The following FRMPD1 variants were observed in gnomAD, a reference collection of about 807,000 sequenced individuals.
FRMPD1 encodes FERM and PDZ domain containing 1.
FRMPD1 carries 76 observed loss-of-function variants against 117.8 expected under a neutral mutation model. That is an observed-to-expected ratio of 0.65 (90% CI 0.54 to 0.78). FRMPD1 has a LOEUF of 0.78. FRMPD1 is among the 30% of genes least tolerant of loss of function. The pLI is 0.00. For synonymous variants in FRMPD1, 783 were observed against 770.4 expected (o/e 1.02, Z -0.27); for missense variants, 1,786 against 1,964.5 (o/e 0.91, Z 1.72).
intron 15 of FRMPD1, among the ~76,000 whole-genome samples, chr9:37,741,181 T>C (rs1824395928): frequency 6.6e-6 from 1 of 151,536 alleles, no homozygotes; most frequent in African/African-American, 2.4e-5. Context: ...AGGGACAGAA[T>C]TTACAAAAAA....
chr9:37,608,026 C>T, the FRMPD1 span, among the ~76,000 whole-genome samples: 1 of 152,184 alleles, frequency 6.6e-6, no homozygotes, highest in Non-Finnish European at 1.5e-5. Context: ...AAACTTGTGG[C>T]CAGCGATAAC....
chr9:37,692,766 T>A (rs758537576), intron 2 of FRMPD1, 24 bp downstream of exon 2: 1 of 1,551,780 alleles, frequency 6.4e-7, no homozygotes, highest in Non-Finnish European at 8.9e-7. Context: ...GTTTGCAGAT[T>A]TCTGTCTATA....
the FRMPD1 span, among the ~76,000 whole-genome samples, chr9:37,626,545 G>T: frequency 6.9e-6 from 1 of 145,720 alleles, no homozygotes; most frequent in Admixed American, 6.9e-5. Context: ...TGGGCACTTT[G>T]GGAGGCCAAG....
Position 37,744,822 on chromosome 9 carries a change from C to A in FRMPD1, c.2790C>A (p.Thr930=), listed in dbSNP as rs1563965851. 1 of 1,614,106 alleles carries A rather than the reference C, an allele frequency of 6.2e-7. No individual in the cohort carries two copies. Among genetic ancestry groups the A allele is most frequent in the Non-Finnish European group, 8.5e-7 (1 of 1,179,964 alleles). ...AGATGGAGCCCGAGACCATGGAAAC[C>A]AAATCAGTCATCGACTCTCGAGTGT... The part of the protein sequence containing the change: ...VMEMEPETME[T]KSVIDSRVSS... Residue 930 remains threonine (T), a synonymous_variant, in exon 16 of 16, where the codon ACC becomes ACA. Transcript: ENST00000377765.
At chr9:37,637,314 C>G in the FRMPD1 span, 1 of 1,125,580 alleles carries the variant, frequency 8.9e-7, no homozygotes, top group Non-Finnish European at 1.4e-6. Context: ...GAAGCCCGCT[C>G]AGTCGCTCCC....
Position 37,746,107 on chromosome 9 carries a change from G to C in FRMPD1, c.4075G>C (p.Glu1359Gln). 6.2e-7 allele frequency: 1 copy of C among 1,614,192 alleles called. No homozygotes were observed. The highest frequency in any genetic ancestry group is 8.5e-7 in the Non-Finnish European group (1 of 1,180,024). Reference sequence around the variant, plus strand: ...GACAGAGGAAGAAGACAGGGACTTGGAAGCACACCCCATGGCCCCCCTCAC... The same window carrying C: ...GACAGAGGAAGAAGACAGGGACTTGCAAGCACACCCCATGGCCCCCCTCAC... Reference protein sequence around the residue: ...PETEEEDRDLEAHPMAPLTSP... With the variant: ...PETEEEDRDLQAHPMAPLTSP... Residue 1359 changes from glutamate to glutamine, a missense_variant, in exon 16 of 16, where the codon GAA becomes CAA. Coordinates refer to ENST00000377765, the MANE Select transcript of FRMPD1 (RefSeq NM_014907.3).
At chr9:37,732,131 A>G (rs1823910747) in intron 9 of FRMPD1, among the ~76,000 whole-genome samples, 173 bp from the exon 10 acceptor site, 1 of 152,228 alleles carries the variant, frequency 6.6e-6, no homozygotes, top group South Asian at 2.1e-4. Context: ...CTCATTTACC[A>G]GACACCAAAT....
chr9:37,679,082 T>G (rs950811915), intron 1 of FRMPD1, among the ~76,000 whole-genome samples: 11 of 152,268 alleles, frequency 7.2e-5, no homozygotes, highest in Non-Finnish European at 1.6e-4. Context: ...TCTTGCCATC[T>G]ACTGTGTGTT....
At position 37,711,376 on chromosome 9, in the gene FRMPD1, C is replaced by T; in HGVS notation, c.389C>T (p.Thr130Ile). The T allele has an allele frequency of 1.9e-6, 3 of 1,610,110 alleles. No individual in the cohort carries two copies. The highest frequency in any genetic ancestry group is 2.6e-6 in the Non-Finnish European group (3 of 1,176,334). The change falls in exon 5 of 16, where the codon ACA becomes ATA. Residue 130 changes from threonine (T) to isoleucine (I), a missense_variant. Physicochemically the swap from Thr to Ile is moderately conservative, Grantham distance 89 (BLOSUM62 -1). Transcript: ENST00000377765. ...LREAEDSLSI[T>I]VVRCTSGVPK... ...GAAGCAGAAGATTCTCTTTCAATCA[C>T]AGTTGTTCGCTGCACGTCGGTAAAT...
At chr9:37,641,208 T>C in the FRMPD1 span, among the ~76,000 whole-genome samples, 1 of 152,184 alleles carries the variant, frequency 6.6e-6, no homozygotes, top group Admixed American at 6.5e-5. Flanking sequence ...AGAAGTATCA[T>C]CTTTCTTAAT....
At chr9:37,731,385 G>A (rs1045134144) in intron 9 of FRMPD1, among the ~76,000 whole-genome samples, 6 of 152,026 alleles carry the variant, frequency 3.9e-5, no homozygotes, top group African/African-American at 1.4e-4. Flanking sequence ...AGTTTTTATT[G>A]CCAAAAGGGG....
chr9:37,737,778 G>A (rs1019839779), intron 14 of FRMPD1, among the ~76,000 whole-genome samples: 5 of 148,554 alleles, frequency 3.4e-5, no homozygotes, highest in African/African-American at 1.0e-4. Context: ...AGCCGAGATC[G>A]TGCCATTGCA....
intron 6 of FRMPD1, among the ~76,000 whole-genome samples, chr9:37,721,689 A>G (rs542347338): frequency 6.6e-6 from 1 of 152,340 alleles, no homozygotes; most frequent in South Asian, 2.1e-4. Flanking sequence ...CCATATATTT[A>G]AAGATATCTA....
In FRMPD1 at chr9:37,731,057, A is replaced by AC; in HGVS notation, c.814dup (p.Leu272ProfsTer10). On this transcript the variant is annotated frameshift_variant, in exon 9 of 16. Transcript: ENST00000377765. LOFTEE classifies it high-confidence loss of function. The stretch of plus-strand genomic sequence containing the variant: ...TGTTTTGTTCCCAAGGACCCCCTGG[A>AC]CCTCCTGAAAGAAGACCCCGTGGCC... 6.2e-7 allele frequency: 1 copy of AC among 1,613,522 alleles called. No individual in the cohort carries two copies.
chr9:37,667,600 C>T (rs1588911198), intron 1 of FRMPD1, among the ~76,000 whole-genome samples: 1 of 151,246 alleles, frequency 6.6e-6, no homozygotes, highest in Admixed American at 6.6e-5. Flanking sequence ...ATTGCTTGAA[C>T]CCGGGAGGCG....
chr9:37,653,944 G>A (rs1425338502), intron 1 of FRMPD1, among the ~76,000 whole-genome samples: 1 of 152,148 alleles, frequency 6.6e-6, no homozygotes, highest in African/African-American at 2.4e-5. Context: ...CCGGTCAAAA[G>A]AGTGAGACTC....
At chr9:37,719,269 G>A (rs1282388332) in intron 6 of FRMPD1, 93 bp downstream of exon 6, 3 of 786,518 alleles carry the variant, frequency 3.8e-6, no homozygotes, top group African/African-American at 1.7e-5. Context: ...ACAGCACAGA[G>A]GGTGCAGAGG....
intron 5 of FRMPD1, among the ~76,000 whole-genome samples, chr9:37,717,328 T>G (rs1282215013): frequency 7.5e-6 from 1 of 133,704 alleles, no homozygotes; most frequent in Non-Finnish European, 1.6e-5. Context: ...TGTGTGTGTG[T>G]GTATGTGTAT....
At position 37,745,826 on chromosome 9, in the gene FRMPD1, A is replaced by G. The variant is rs1262927490; in HGVS notation, c.3794A>G (p.Glu1265Gly). 2 of 1,614,156 alleles carry G rather than the reference A, an allele frequency of 1.2e-6. No homozygotes were observed. The highest frequency in any genetic ancestry group is 1.7e-6 in the Non-Finnish European group (2 of 1,179,990). The change falls in exon 16 of 16, where the codon GAG becomes GGG. Residue 1265 changes from glutamate (E) to glycine (G), a missense_variant. Coordinates refer to ENST00000377765, the MANE Select transcript of FRMPD1 (RefSeq NM_014907.3). ...SLPEPLPCPQ[E>G]DPHLETSNHC... The stretch of plus-strand genomic sequence containing the variant: ...CCAGAACCACTACCATGTCCACAAG[A>G]GGATCCTCACTTAGAAACTTCAAAC...
Sources: gnomAD v4.1 joint callset for allele counts (sites outside exome capture counted in the v4.1 genomes callset) on GRCh38, gnomAD v4.1.1 for gene constraint, MANE v1.5 for transcripts, NCBI Gene and HGNC (gene_info 2026-07-23, HGNC 2026-07-21) for gene names.